Variants in PCDHGA5 observed in about 807,000 individuals in gnomAD.
PCDHGA5 encodes protocadherin gamma subfamily A, 5.
In PCDHGA5, 36 loss-of-function variants were observed where a neutral mutation model predicts 56.7. The ratio of observed to expected loss-of-function variants is 0.64; its 90% CI spans 0.49 to 0.84. PCDHGA5 has a LOEUF of 0.84. PCDHGA5 is among the 40% of genes least tolerant of loss of function. The pLI is 0.00. For synonymous variants in PCDHGA5, 563 were observed against 520.2 expected (o/e 1.08, Z -1.12); for missense variants, 1,305 against 1,201.5 (o/e 1.09, Z -1.27).
At chr5:141,388,835 G>T in intron 1 of PCDHGA5, 1 of 1,613,946 alleles carries the variant, frequency 6.2e-7, no homozygotes, top group South Asian at 1.1e-5. Flanking sequence ...CCATAGTTTT[G>T]GAAGCAAGGG....
At chr5:141,496,050 G>A (rs1232836015) in intron 2 of PCDHGA5, among the ~76,000 whole-genome samples, 2 of 149,892 alleles carry the variant, frequency 1.3e-5, no homozygotes, top group Non-Finnish European at 3.0e-5. Flanking sequence ...ATTTTTTTGT[G>A]CTTGTGGGCA....
chr5:141,374,384 C>A, intron 1 of PCDHGA5: 1 of 1,613,962 alleles, frequency 6.2e-7, no homozygotes, highest in East Asian at 2.2e-5. Flanking sequence ...TCAGAGCCCG[C>A]GGTGTCTGGT....
chr5:141,486,608 G>A lies in PCDHGA5; in HGVS notation c.2422-8199G>A. On this transcript the variant is annotated intron_variant, in intron 1 of 3. Transcript: ENST00000518069. The surrounding 1 kb of genome is among the most constrained non-coding windows in gnomAD (Gnocchi z 5.0). ...AGGGGACCTGCTTTGCTCCCTTGCAGCCTCTGACCCAGACTCTGGCTTGAA... is the reference window on the plus strand; with the variant it reads ...AGGGGACCTGCTTTGCTCCCTTGCAACCTCTGACCCAGACTCTGGCTTGAA... 3 of 1,613,546 alleles carry A rather than the reference G, an allele frequency of 1.9e-6. No homozygotes were observed. The highest frequency in any genetic ancestry group is 2.5e-6 in the Non-Finnish European group (3 of 1,180,024).
Position 141,364,722 on chromosome 5 carries a change from C to T in PCDHGA5, c.392C>T (p.Pro131Leu). 1 of 1,613,884 alleles carries T rather than the reference C, an allele frequency of 6.2e-7. No individual in the cohort carries two copies. Among genetic ancestry groups the T allele is most frequent in the Non-Finnish European group, 8.5e-7 (1 of 1,179,842 alleles). ...VEIIDINDNF[P>L]RFRDEELKVK... ...ATAATCGATATTAATGATAACTTCC[C>T]GCGTTTCCGGGATGAAGAGTTAAAA... The change falls in exon 1 of 4, where the codon CCG becomes CTG. Residue 131 changes from proline (P) to leucine (L), a missense_variant. Transcript: ENST00000518069.
chr5:141,510,526 A>T (rs1164238062), intron 3 of PCDHGA5, among the ~76,000 whole-genome samples: 1 of 152,156 alleles, frequency 6.6e-6, no homozygotes, highest in East Asian at 1.9e-4. Flanking sequence ...CAGCCCTGAG[A>T]GAAATACCAG....
At chr5:141,413,389 T>G in intron 1 of PCDHGA5, 1 of 1,613,986 alleles carries the variant, frequency 6.2e-7, no homozygotes, top group Non-Finnish European at 8.5e-7. Flanking sequence ...CCGCATAGTC[T>G]CCAGAGGTAG....
intron 1 of PCDHGA5, among the ~76,000 whole-genome samples, chr5:141,368,730 A>G (rs1166595138): frequency 6.6e-6 from 1 of 152,208 alleles, no homozygotes; most frequent in Non-Finnish European, 1.5e-5. Context: ...TATGTACTGT[A>G]TATACCATAT....
rs563145930 is a variant in PCDHGA5 at position 141,392,984 on chromosome 5, GA to G, written c.2421+26235del. 408 of 1,613,914 alleles carry G rather than the reference GA, an allele frequency of 2.5e-4. 2 individuals carry two copies. In the African/African-American group the frequency reaches 4.6e-3, roughly 18 times the overall value. On this transcript the variant is annotated intron_variant, in intron 1 of 3. Transcript: ENST00000518069. The stretch of plus-strand genomic sequence containing the variant: ...CCAAGGACCTGGGGCTGGACCCCCG[GA>G]AGCTGGCGAAGCACGGAGTCCGTAT...
At position 141,419,294 on chromosome 5, in the gene PCDHGA5, C is replaced by T. The variant is rs770303087; in HGVS notation, c.2421+52543C>T. ...CATAGCGCAAGTCAGTGCCTCTGAC[C>T]CAGACTTCGGGCTCAACGGCCGTGT... On this transcript the variant is annotated intron_variant, in intron 1 of 3. Transcript: ENST00000518069. The T allele has an allele frequency of 1.9e-6, 3 of 1,614,036 alleles. No homozygotes were observed. Among genetic ancestry groups the T allele is most frequent in the East Asian group, 2.2e-5 (1 of 44,886 alleles).
At position 141,426,367 on chromosome 5, in the gene PCDHGA5, G is replaced by A. The variant is rs557191606; in HGVS notation, c.2421+59616G>A. The A allele has an allele frequency of 8.2e-4, 168 of 204,486 alleles. 3 individuals are homozygous for A. The South Asian group carries it at 0.014, about 17-fold the overall frequency. 12.7% of individuals were successfully genotyped at this position (204,486 alleles called of 1,614,324 possible). ...TTTCCTGCTGCCTTTGTTCTGCGGG[G>A]CACCCTCGGAGCAGATCCGCTACTC... is the stretch of plus-strand genomic sequence containing the variant. On this transcript the variant is annotated intron_variant, in intron 1 of 3. Transcript: ENST00000518069.
intron 1 of PCDHGA5, chr5:141,471,227 T>C (rs2099253010): frequency 6.6e-6 from 1 of 151,604 alleles, no homozygotes; most frequent in Admixed American, 6.6e-5. Flanking sequence ...TTTTTTGTAT[T>C]TTTAGTAGAG....
In PCDHGA5 at chr5:141,477,446, C is replaced by A; in HGVS notation, c.2422-17361C>A. 1 of 1,614,196 alleles carries A rather than the reference C, an allele frequency of 6.2e-7. No homozygotes were observed. The highest frequency in any genetic ancestry group is 8.5e-7 in the Non-Finnish European group (1 of 1,180,022). The stretch of plus-strand genomic sequence containing the variant: ...TTCCCTCTCAGCCCTTACAATAGTG[C>A]GTGTTCAAGTGTCCGACATCAATGA... On this transcript the variant is annotated intron_variant, in intron 1 of 3. Transcript: ENST00000518069. The surrounding 1 kb of genome is among the most constrained non-coding windows in gnomAD (Gnocchi z 4.9).
chr5:141,374,798 A>C (rs1471175480), intron 1 of PCDHGA5: 3 of 1,613,784 alleles, frequency 1.9e-6, no homozygotes, highest in Non-Finnish European at 2.5e-6. Context: ...GAATGACAAC[A>C]CTCCAATGTT....
In PCDHGA5 at chr5:141,383,030, T is replaced by C. The variant is rs756178371; in HGVS notation, c.2421+16279T>C. 2 of 1,613,742 alleles carry C rather than the reference T, an allele frequency of 1.2e-6. No individual in the cohort carries two copies. Among genetic ancestry groups the C allele is most frequent in the Non-Finnish European group, 1.7e-6 (2 of 1,179,874 alleles). ...TCGGAGGAGACGGACAAAGGGTCCT[T>C]TGTGGGAGACATCGCCAAGGACCTG... On this transcript the variant is annotated intron_variant, in intron 1 of 3. Coordinates refer to ENST00000518069, the MANE Select transcript of PCDHGA5 (RefSeq NM_018918.3).
chr5:141,392,892 G>C, intron 1 of PCDHGA5: 1 of 1,613,702 alleles, frequency 6.2e-7, no homozygotes, highest in East Asian at 2.2e-5. Flanking sequence ...GTGGGAAATC[G>C]GGAGGGGACA....
chr5:141,512,262 C>G lies in PCDHGA5; in HGVS notation c.*1089C>G, dbSNP rs925517361. On this transcript the variant is annotated 3_prime_UTR_variant, in exon 4 of 4. Transcript: ENST00000518069. ...GAGGGGCCTCTGTGGGTGCTGGGTA[C>G]TCCAGAGGTGCCACTGGTGGAAGGG... 1 of 152,712 alleles carries G rather than the reference C, an allele frequency of 6.5e-6. No homozygotes were observed. The highest frequency in any genetic ancestry group is 2.4e-5 in the African/African-American group (1 of 41,452). 9.5% of individuals were successfully genotyped at this position (152,712 alleles called of 1,614,324 possible).
intron 1 of PCDHGA5, chr5:141,389,984 C>G: frequency 6.2e-7 from 1 of 1,614,070 alleles, no homozygotes; most frequent in Non-Finnish European, 8.5e-7. Flanking sequence ...TCTCAGTGCT[C>G]TTCCTCGTGG....
intron 1 of PCDHGA5, chr5:141,478,531 C>A (rs771145308): frequency 8.1e-6 from 13 of 1,608,072 alleles, no homozygotes; most frequent in Admixed American, 5.1e-5. Context: ...GTGCAGAGAG[C>A]GCCCCTCCCG....
rs770154641 is a variant in PCDHGA5, at chr5:141,372,296, C to T, written c.2421+5545C>T. ...TGCGCACGGCGCGTACCTTGGGCGA[C>T]AGGGAGGCCGCCCGCCAGCGCCTGC... On this transcript the variant is annotated intron_variant, in intron 1 of 3. Coordinates refer to ENST00000518069, the MANE Select transcript of PCDHGA5 (RefSeq NM_018918.3). 5 of 1,613,184 alleles carry T rather than the reference C, an allele frequency of 3.1e-6. No individual in the cohort carries two copies. The African/African-American group carries it at 5.3e-5, about 17-fold the overall frequency.
Sources: gnomAD v4.1 joint callset for allele counts (sites outside exome capture counted in the v4.1 genomes callset) on GRCh38, gnomAD v4.1.1 for gene constraint, Gnocchi (gnomAD v3.1) non-coding constraint, MANE v1.5 for transcripts, NCBI Gene and HGNC (gene_info 2026-07-23, HGNC 2026-07-21) for gene names.